XKR6: variants seen among roughly 807,000 people sequenced by gnomAD.
The protein encoded by XKR6 is XK-related protein 6.
XKR6 carries 22 observed loss-of-function variants against 56.7 expected under a neutral mutation model. The observed-to-expected ratio is 0.39, with a 90% CI of 0.28 to 0.55. The LOEUF (loss-of-function observed/expected upper bound fraction) is 0.55, where lower values mean the gene tolerates loss of function less well. XKR6 is among the 20% of genes least tolerant of loss of function. XKR6 has a pLI of 0.66. For missense variants in XKR6, 852 were observed against 889.0 expected (o/e 0.96, Z 0.53); for synonymous variants, 524 against 387.8 (o/e 1.35, Z -4.13).
At chr8:10,910,428 C>G (rs12550307) in intron 2 of XKR6, among the ~76,000 whole-genome samples, 2,231 of 152,272 alleles carry the variant, frequency 0.015, 55 homozygotes, top group African/African-American at 0.049. Context: ...AGGACTGCAT[C>G]TCTCCAGCTC....
chr8:11,120,343 G>C (rs531599695), intron 1 of XKR6, among the ~76,000 whole-genome samples: 1 of 152,242 alleles, frequency 6.6e-6, no homozygotes, highest in East Asian at 1.9e-4. Flanking sequence ...CGAAGTCTCA[G>C]GATACAAAAT....
At chr8:10,930,364 T>C (rs1054977061) in intron 1 of XKR6, among the ~76,000 whole-genome samples, 3 of 152,140 alleles carry the variant, frequency 2.0e-5, no homozygotes, top group African/African-American at 7.2e-5. Flanking sequence ...TGGTAAATTC[T>C]ACCAAACAGA....
At chr8:11,028,614 C>T (rs1261692874) in intron 1 of XKR6, among the ~76,000 whole-genome samples, 5 of 152,172 alleles carry the variant, frequency 3.3e-5, no homozygotes, top group Non-Finnish European at 5.9e-5. Context: ...TGTAGGAGCT[C>T]CACCTTTCTG....
intron 1 of XKR6, among the ~76,000 whole-genome samples, chr8:11,160,313 A>G (rs1181269639): frequency 1.3e-5 from 2 of 152,162 alleles, no homozygotes; most frequent in Non-Finnish European, 2.9e-5. Flanking sequence ...TTCAATTCTG[A>G]GTAGTCAATA....
chr8:11,009,879 G>C (rs1798460969), intron 1 of XKR6, among the ~76,000 whole-genome samples: 3 of 152,262 alleles, frequency 2.0e-5, no homozygotes, highest in Admixed American at 2.0e-4. Flanking sequence ...ATGGTATGGA[G>C]TGTAGGGGAA....
chr8:11,189,923 A>G (rs10108967), intron 1 of XKR6, among the ~76,000 whole-genome samples: 1,815 of 152,166 alleles, frequency 0.012, 30 homozygotes, highest in South Asian at 0.029. Context: ...TTGGGAGGCC[A>G]AGGAGGGCAG....
chr8:11,103,158 T>A (rs1798547462), intron 1 of XKR6, among the ~76,000 whole-genome samples: 1 of 152,158 alleles, frequency 6.6e-6, no homozygotes, highest in Non-Finnish European at 1.5e-5. Flanking sequence ...TCCTACTTAA[T>A]CTCAATTTAC....
intron 1 of XKR6, among the ~76,000 whole-genome samples, chr8:11,099,741 C>T (rs980518358): frequency 6.6e-6 from 1 of 152,204 alleles, no homozygotes; most frequent in Non-Finnish European, 1.5e-5. Flanking sequence ...CAAAACAAAG[C>T]CCCTGCCCTC....
rs930788733 is a variant in XKR6, at chr8:11,200,474, C to T, written c.764+102G>A. The T allele has an allele frequency of 8.4e-6, 11 of 1,305,610 alleles. No homozygotes were observed. Among genetic ancestry groups the T allele is most frequent in the Non-Finnish European group, 1.1e-5 (11 of 1,025,280 alleles). 80.9% of individuals were successfully genotyped at this position (1,305,610 alleles called of 1,614,324 possible). ...GCGCGCGGCCGGTCCCTCCTTCGAG[C>T]CCCCCGCGCTGGGCCCTTTCGAGGG... On this transcript the variant is annotated intron_variant, in intron 1 of 2. Transcript: ENST00000416569. The surrounding 1 kb of genome is among the most constrained non-coding windows in gnomAD (Gnocchi z 6.4).
At chr8:11,050,255 A>G (rs1376365016) in intron 1 of XKR6, among the ~76,000 whole-genome samples, 1 of 152,200 alleles carries the variant, frequency 6.6e-6, no homozygotes, top group African/African-American at 2.4e-5. Flanking sequence ...GGATTCAAGA[A>G]TATGGCCAAC....
intron 1 of XKR6, among the ~76,000 whole-genome samples, chr8:11,076,752 C>A (rs576670068): frequency 6.6e-6 from 1 of 152,326 alleles, no homozygotes; most frequent in African/African-American, 2.4e-5. Context: ...ATGGCAGCCT[C>A]CTTGGAGTGG....
chr8:11,001,820 C>A (rs528255690), intron 1 of XKR6, among the ~76,000 whole-genome samples: 1 of 152,184 alleles, frequency 6.6e-6, no homozygotes, highest in Non-Finnish European at 1.5e-5. Context: ...CAGCTCACTG[C>A]CGGTCAGGGG....
chr8:10,938,893 A>T (rs944245251), intron 1 of XKR6, among the ~76,000 whole-genome samples: 4 of 152,224 alleles, frequency 2.6e-5, no homozygotes, highest in East Asian at 1.9e-4. Flanking sequence ...TTAAATTTTT[A>T]AAAAATGTAA....
intron 1 of XKR6, among the ~76,000 whole-genome samples, chr8:11,051,624 G>A (rs956869908): frequency 5.3e-5 from 8 of 152,060 alleles, no homozygotes; most frequent in African/African-American, 1.4e-4. Context: ...CCTGCAGAAC[G>A]TATGTCTGCA....
chr8:11,008,063 G>C (rs1798412125), intron 1 of XKR6, among the ~76,000 whole-genome samples: 1 of 152,164 alleles, frequency 6.6e-6, no homozygotes, highest in African/African-American at 2.4e-5. Flanking sequence ...CGTTCACACA[G>C]GGGCAAGGCA....
At chr8:11,157,999 T>C (rs184452627) in intron 1 of XKR6, among the ~76,000 whole-genome samples, 6 of 152,336 alleles carry the variant, frequency 3.9e-5, no homozygotes, top group Admixed American at 2.0e-4. Context: ...ATTGCAATTA[T>C]GAAAATTATA....
chr8:11,013,138 A>G (rs1250604287), intron 1 of XKR6, among the ~76,000 whole-genome samples: 1 of 152,182 alleles, frequency 6.6e-6, no homozygotes, highest in East Asian at 1.9e-4. Flanking sequence ...TAAGCCCTTA[A>G]CACCATGAGG....
intron 1 of XKR6, among the ~76,000 whole-genome samples, chr8:11,157,500 ATG>A (rs1801579693): frequency 6.6e-6 from 1 of 151,874 alleles, no homozygotes; most frequent in African/African-American, 2.4e-5. Context: ...GTATGTATGT[ATG>A]TATGTATGTA....
rs964156849 is a variant in XKR6, at chr8:11,087,332, T to C, written c.764+113244A>G. ...TTCTTCCTTGCTAACAGGACCCTGA[T>C]CCTGATTCCTTTCCACCCCTCGGGG... On this transcript the variant is annotated intron_variant, in intron 1 of 2. Transcript: ENST00000416569. 5.3e-5 allele frequency among the ~76,000 whole-genome samples: 8 copies of C among 152,182 alleles called. No individual in the cohort carries two copies. In the East Asian group the frequency reaches 5.8e-4, roughly 11 times the overall value.
Sources: allele counts gnomAD v4.1 joint callset (sites outside exome capture counted in the v4.1 genomes callset), GRCh38; gene constraint gnomAD v4.1.1; non-coding constraint Gnocchi (gnomAD v3.1); transcripts MANE v1.5; gene names NCBI Gene and HGNC (gene_info 2026-07-23, HGNC 2026-07-21).